The following DLG2 variants were observed in gnomAD, a reference collection of about 807,000 sequenced individuals.
DLG2 encodes disks large homolog 2.
Under a neutral mutation model 132.5 loss-of-function variants are expected in DLG2, and 45 were observed. That is an observed-to-expected ratio of 0.34 (90% CI 0.27 to 0.44). The LOEUF (loss-of-function observed/expected upper bound fraction) is 0.44, where lower values mean the gene tolerates loss of function less well. Ranked by LOEUF, DLG2 falls within the 20% of genes least tolerant of loss-of-function variation. DLG2 has a pLI of 1.00. For missense variants in DLG2, 1,045 were observed against 1,196.9 expected, an observed-to-expected ratio of 0.87 and a Z score of 1.87; for synonymous variants, 424 against 419.6, an observed-to-expected ratio of 1.01 and a Z score of -0.13.
chr11:85,040,699 C>A (rs2154149300), intron 6 of DLG2, among the ~76,000 whole-genome samples: 1 of 152,022 alleles, frequency 6.6e-6, no homozygotes, highest in South Asian at 2.1e-4. Context: ...TGGCCTTTCT[C>A]TCTCAGAAAG....
chr11:84,240,628 G>A (rs2097214194), intron 8 of DLG2, among the ~76,000 whole-genome samples: 1 of 152,134 alleles, frequency 6.6e-6, no homozygotes, highest in African/African-American at 2.4e-5. Context: ...TGATGGTGGT[G>A]GCAGTTTATT....
chr11:84,695,621 T>C (rs1467513104), intron 6 of DLG2, among the ~76,000 whole-genome samples: 1 of 151,566 alleles, frequency 6.6e-6, no homozygotes, highest in Admixed American at 6.6e-5. Context: ...TGTATCAGCA[T>C]TTTAAATATA....
chr11:83,877,834 T>C (rs1366212066), intron 15 of DLG2, among the ~76,000 whole-genome samples: 1 of 152,214 alleles, frequency 6.6e-6, no homozygotes, highest in African/African-American at 2.4e-5. Flanking sequence ...GCAGGAGGGA[T>C]GCTTGTAGTG....
rs546052849 is a variant in DLG2, at chr11:84,678,939, G to C, written c.358-144208C>G. Among the ~76,000 whole-genome samples, 6 of 152,040 alleles carry C rather than the reference G, an allele frequency of 3.9e-5. No homozygotes were observed. The South Asian group carries it at 1.2e-3, about 32-fold the overall frequency. ...GGAGTGTTAAACAAGATAATGTATG[G>C]CTATGTAAATTATGATTCTACATAA... On this transcript the variant is annotated intron_variant, in intron 6 of 27. Coordinates refer to ENST00000376104, the MANE Select transcript of DLG2 (RefSeq NM_001142699.3).
intron 7 of DLG2, among the ~76,000 whole-genome samples, chr11:84,501,531 A>C (rs1253565451): frequency 1.3e-5 from 2 of 152,116 alleles, no homozygotes; most frequent in African/African-American, 4.8e-5. Flanking sequence ...GTGCTAATGC[A>C]CTCCAGCCTG....
chr11:84,519,997 A>T (rs1256549507), intron 7 of DLG2, among the ~76,000 whole-genome samples: 1 of 152,180 alleles, frequency 6.6e-6, no homozygotes, highest in East Asian at 1.9e-4. Flanking sequence ...TATGTGTGGA[A>T]AAAGGTTGAA....
chr11:85,295,335 A>G (rs2079150314), intron 3 of DLG2, among the ~76,000 whole-genome samples: 1 of 152,128 alleles, frequency 6.6e-6, no homozygotes, highest in Non-Finnish European at 1.5e-5. Flanking sequence ...CCAATCTGTG[A>G]TTAAGTATTG....
chr11:84,191,399 T>C (rs764982364), intron 8 of DLG2, among the ~76,000 whole-genome samples: 7 of 152,200 alleles, frequency 4.6e-5, no homozygotes, highest in Non-Finnish European at 8.8e-5. Context: ...ATAATTTGTA[T>C]ATAGCTGCCT....
intron 17 of DLG2, among the ~76,000 whole-genome samples, chr11:83,812,575 G>C (rs1226629318): frequency 6.6e-6 from 1 of 152,122 alleles, no homozygotes; most frequent in Non-Finnish European, 1.5e-5. Context: ...GGTTTACTGG[G>C]AATCCTATAA....
chr11:85,305,309 T>C (rs935043716), intron 3 of DLG2, among the ~76,000 whole-genome samples: 64 of 152,156 alleles, frequency 4.2e-4, no homozygotes, highest in Non-Finnish European at 1.0e-4. Context: ...TGGCTTTAGA[T>C]TGGTATAAAG....
chr11:84,874,295 A>G (rs1205603662), intron 6 of DLG2, among the ~76,000 whole-genome samples: 1 of 152,222 alleles, frequency 6.6e-6, no homozygotes, highest in Admixed American at 6.5e-5. Context: ...CAATAGAATA[A>G]AAGTAGAAAA....
At chr11:83,460,068 C>T in intron 27 of DLG2, 144 bp from the exon 28 acceptor site, 1 of 557,326 alleles carries the variant, frequency 1.8e-6, no homozygotes, top group Non-Finnish European at 3.2e-6. Context: ...TAAGAAGAAG[C>T]AGAAAATTCA....
intron 11 of DLG2, among the ~76,000 whole-genome samples, chr11:83,984,167 A>G (rs890170571): frequency 2.0e-5 from 3 of 150,778 alleles, no homozygotes; most frequent in African/African-American, 7.3e-5. Flanking sequence ...CAATGAAAGC[A>G]CTATGGATAC....
intron 6 of DLG2, among the ~76,000 whole-genome samples, chr11:84,658,236 G>C (rs1204036013): frequency 6.6e-6 from 1 of 152,120 alleles, no homozygotes; most frequent in Non-Finnish European, 1.5e-5. Context: ...TGACCAGATA[G>C]AAGGATCGTG....
intron 6 of DLG2, among the ~76,000 whole-genome samples, chr11:85,080,985 T>C (rs1375439549): frequency 6.6e-6 from 1 of 152,170 alleles, no homozygotes. Context: ...TATATAATAA[T>C]AATTTGATAA....
At chr11:85,500,556 T>C (rs12285625) in intron 3 of DLG2, among the ~76,000 whole-genome samples, 3 of 38,550 alleles carry the variant, frequency 7.8e-5, no homozygotes, top group African/African-American at 2.9e-4. Context: ...AAAATAAAAA[T>C]AAAATAAATA....
chr11:84,731,030 T>A (rs1462129449), intron 6 of DLG2, among the ~76,000 whole-genome samples: 1 of 152,038 alleles, frequency 6.6e-6, no homozygotes, highest in Non-Finnish European at 1.5e-5. Flanking sequence ...TTATGTCCAG[T>A]TTGTTTAAAA....
intron 19 of DLG2, among the ~76,000 whole-genome samples, chr11:83,592,690 A>G (rs1382457437): frequency 5.4e-5 from 8 of 149,024 alleles, no homozygotes; most frequent in African/African-American, 2.0e-4. Flanking sequence ...AGAAACTACC[A>G]TCAGAGTGAA....
intron 6 of DLG2, among the ~76,000 whole-genome samples, chr11:85,097,273 A>G (rs760296307): frequency 2.6e-5 from 4 of 152,106 alleles, no homozygotes; most frequent in Admixed American, 6.6e-5. Context: ...GGGCTCACCA[A>G]TCAGAAAGAC....
Sources: allele counts gnomAD v4.1 joint callset (sites outside exome capture counted in the v4.1 genomes callset), GRCh38; gene constraint gnomAD v4.1.1; transcripts MANE v1.5; gene names NCBI Gene and HGNC (gene_info 2026-07-23, HGNC 2026-07-21).